The following MSH3 variants were observed in gnomAD, a reference collection of about 807,000 sequenced individuals.
MSH3 encodes the protein mutS homolog 3, also known as DNA mismatch repair protein Msh3.
In MSH3, 106 loss-of-function variants were observed where a neutral mutation model predicts 123.3. The observed-to-expected ratio is 0.86, with a 90% confidence interval of 0.73 to 1.01. MSH3 has a LOEUF of 1.01. MSH3 is among the 50% of genes least tolerant of loss of function. MSH3 has a pLI of 0.00. For missense variants in MSH3, 1,459 were observed against 1,347.6 expected (o/e 1.08, Z -1.29); for synonymous variants, 515 against 481.4 (o/e 1.07, Z -0.91).
chr5:80,715,370 G>T (rs928440965), intron 8 of MSH3: 1 of 152,152 alleles, frequency 6.6e-6, no homozygotes, highest in African/African-American at 2.4e-5. Flanking sequence ...CTGAGATGAT[G>T]ACTTGAATGG....
At chr5:80,760,087 G>T (rs6151783) in intron 12 of MSH3, among the ~76,000 whole-genome samples, 408 of 152,326 alleles carry the variant, frequency 2.7e-3, no homozygotes, top group African/African-American at 9.4e-3. Flanking sequence ...CCTGATCTAA[G>T]ATTTGCTTTT....
intron 11 of MSH3, among the ~76,000 whole-genome samples, chr5:80,742,261 C>T (rs1743629468): frequency 1.3e-5 from 2 of 152,188 alleles, no homozygotes; most frequent in Admixed American, 6.5e-5. Context: ...CCACCTGCCT[C>T]GGCCTCCCAA....
Position 80,876,368 on chromosome 5 carries a change from C to G in MSH3, c.*506C>G. ...CTGTAATCCCAGCACTTTGGGAGGCCAAGGTAGGCAGATCACCTGAGGTCA... is the reference window on the plus strand; with the variant it reads ...CTGTAATCCCAGCACTTTGGGAGGCGAAGGTAGGCAGATCACCTGAGGTCA... On this transcript the variant is annotated 3_prime_UTR_variant, in exon 24 of 24. Transcript: ENST00000265081. The G allele has an allele frequency of 5.5e-6, 1 of 181,534 alleles. No homozygotes were observed. 11.2% of individuals were successfully genotyped at this position (181,534 alleles called of 1,614,324 possible). A position where few individuals can be genotyped will look rare whatever the true frequency, so the allele number is the denominator to read the frequency against.
At chr5:80,669,511 C>T (rs1432589099) in intron 3 of MSH3, among the ~76,000 whole-genome samples, 1 of 152,204 alleles carries the variant, frequency 6.6e-6, no homozygotes, top group African/African-American at 2.4e-5. Context: ...AGTAGGAGTA[C>T]TAATGTTGAA....
At chr5:80,819,572 C>T (rs1412799494) in intron 20 of MSH3, among the ~76,000 whole-genome samples, 1 of 151,290 alleles carries the variant, frequency 6.6e-6, no homozygotes, top group East Asian at 1.9e-4. Context: ...CTGCAACCTC[C>T]GCCTCCTGGA....
chr5:80,778,944 A>G, intron 17 of MSH3, 108 bp downstream of exon 17: 2 of 728,954 alleles, frequency 2.7e-6, no homozygotes, highest in Non-Finnish European at 4.9e-6. Context: ...GACCCACCAT[A>G]AAATAGTTGA....
rs148214186 is a variant in MSH3, at chr5:80,732,682, C to T, written c.1568+3717C>T. 2.0e-4 allele frequency among the ~76,000 whole-genome samples: 30 copies of T among 152,166 alleles called. No individual in the cohort carries two copies. In the East Asian group the frequency reaches 5.6e-3, roughly 28 times the overall value. On this transcript the variant is annotated intron_variant, in intron 10 of 23. Transcript: ENST00000265081. ...GTACATGGAATCAGGAATATAAAAA[C>T]GATTGTACTCCATGACTATTGGATT...
chr5:80,807,736 G>A (rs1744916989), intron 19 of MSH3, among the ~76,000 whole-genome samples: 1 of 152,176 alleles, frequency 6.6e-6, no homozygotes, highest in Non-Finnish European at 1.5e-5. Flanking sequence ...AGCCTATCCT[G>A]GCAGTGCAGG....
intron 10 of MSH3, among the ~76,000 whole-genome samples, chr5:80,737,724 T>C (rs554763795): frequency 7.2e-5 from 11 of 152,282 alleles, no homozygotes; most frequent in African/African-American, 2.6e-4. Context: ...GAAATTGCAT[T>C]TCTATTGGGA....
At chr5:80,669,585 A>G (rs2112811769) in intron 3 of MSH3, among the ~76,000 whole-genome samples, 1 of 152,214 alleles carries the variant, frequency 6.6e-6, no homozygotes, top group South Asian at 2.1e-4. Context: ...CAAGAGAATC[A>G]TGGTTCTTTC....
chr5:80,818,402 CAAAAA>C (rs71603566), intron 20 of MSH3, among the ~76,000 whole-genome samples: 1 of 63,832 alleles, frequency 1.6e-5, no homozygotes, highest in Admixed American at 2.3e-4. Context: ...ATAGCAATGA[CAAAAA>C]AAAAAAAAAA....
chr5:80,672,477 A>G (rs1182263236), intron 5 of MSH3, 117 bp downstream of exon 5: 2 of 781,214 alleles, frequency 2.6e-6, no homozygotes, highest in Non-Finnish European at 4.4e-6. Flanking sequence ...TGCATTTTAC[A>G]GAACTGAAAG....
Position 80,854,027 on chromosome 5 carries a change from T to C in MSH3, c.2814-103T>C, listed in dbSNP as rs41549812. On this transcript the variant is annotated intron_variant, in intron 20 of 23. Coordinates refer to ENST00000265081, the MANE Select transcript of MSH3 (RefSeq NM_002439.5). ...TGAGCTATTATTGGCTCAAAATATATAGATTCTTAGTGATCTTTTATATTT... is the reference window on the plus strand; with the variant it reads ...TGAGCTATTATTGGCTCAAAATATACAGATTCTTAGTGATCTTTTATATTT... 3.6e-3 allele frequency: 3,475 copies of C among 960,122 alleles called. 13 individuals are homozygous for C. Among genetic ancestry groups the C allele is most frequent in the Non-Finnish European group, 3.9e-3 (2,469 of 627,530 alleles). 59.5% of individuals were successfully genotyped at this position (960,122 alleles called of 1,614,324 possible).
At chr5:80,680,283 A>C (rs1749947317) in intron 8 of MSH3, among the ~76,000 whole-genome samples, 1 of 151,662 alleles carries the variant, frequency 6.6e-6, no homozygotes, top group African/African-American at 2.4e-5. Context: ...AGAAAATCAA[A>C]CTGATTGATT....
Position 80,801,257 on chromosome 5 carries a change from A to G in MSH3, c.2655+8413A>G, listed in dbSNP as rs570119242. Among the ~76,000 whole-genome samples, 8 of 152,320 alleles carry G rather than the reference A, an allele frequency of 5.3e-5. No homozygotes were observed. In the East Asian group the frequency reaches 1.4e-3, roughly 26 times the overall value. On this transcript the variant is annotated intron_variant, in intron 19 of 23. Coordinates refer to ENST00000265081, the MANE Select transcript of MSH3 (RefSeq NM_002439.5). ...CCTATGGAGAGTGGATTGTGGGCAG[A>G]GGAGAAGCAGGAAGACCCAGCAGGA...
intron 3 of MSH3, among the ~76,000 whole-genome samples, chr5:80,668,327 C>T (rs547879896): frequency 1.0e-3 from 152 of 152,278 alleles, no homozygotes; most frequent in African/African-American, 3.6e-3. Context: ...TCAGGCTGTT[C>T]CTGGCTTGAA....
chr5:80,819,446 A>ATGTGTGTGTGTG (rs35865568), intron 20 of MSH3, among the ~76,000 whole-genome samples: 17 of 136,796 alleles, frequency 1.2e-4, no homozygotes, highest in East Asian at 4.2e-4. Context: ...ATATATGTAT[A>ATGTGTGTGTGTG]TGTGTGTGTG....
At chr5:80,783,632 A>G (rs1234709009) in intron 17 of MSH3, among the ~76,000 whole-genome samples, 2 of 152,216 alleles carry the variant, frequency 1.3e-5, no homozygotes, top group African/African-American at 4.8e-5. Flanking sequence ...GAATTAGATC[A>G]TCAGAGATAG....
chr5:80,694,662 G>A (rs1750428861), intron 8 of MSH3, among the ~76,000 whole-genome samples: 1 of 151,714 alleles, frequency 6.6e-6, no homozygotes, highest in African/African-American at 2.4e-5. Context: ...AGCTCTGCTT[G>A]TGTCAGAGTC....
Sources: gnomAD v4.1 joint callset for allele counts (sites outside exome capture counted in the v4.1 genomes callset) on GRCh38, gnomAD v4.1.1 for gene constraint, MANE v1.5 for transcripts, NCBI Gene and HGNC (gene_info 2026-07-23, HGNC 2026-07-21) for gene names.